RBFOX1: variants seen among roughly 807,000 people sequenced by gnomAD.
RBFOX1 encodes RNA binding fox-1 homolog 1, also known as RNA binding protein fox-1 homolog 1.
Under a neutral mutation model 57.7 loss-of-function variants are expected in RBFOX1, and 8 were observed. The ratio of observed to expected loss-of-function variants is 0.14; its 90% confidence interval spans 0.08 to 0.25. The LOEUF (loss-of-function observed/expected upper bound fraction) is 0.25, where lower values mean the gene tolerates loss of function less well. Ranked by LOEUF, RBFOX1 falls within the 10% of genes least tolerant of loss-of-function variation. The pLI is 1.00. For missense variants in RBFOX1, 611 were observed against 548.5 expected (o/e 1.11, Z -1.14); for synonymous variants, 326 against 222.4 (o/e 1.47, Z -4.15).
intron 1 of RBFOX1, among the ~76,000 whole-genome samples, chr16:6,073,657 A>G (rs987645359): frequency 6.6e-6 from 1 of 152,218 alleles, no homozygotes; most frequent in Non-Finnish European, 1.5e-5. Context: ...AATATTTAGA[A>G]TGCATAATCT....
chr16:5,467,638 C>T (rs1203279150), intron 2 of RBFOX1, among the ~76,000 whole-genome samples: 1 of 152,104 alleles, frequency 6.6e-6, no homozygotes, highest in Non-Finnish European at 1.5e-5. Flanking sequence ...ACTGGAGGTA[C>T]CAGAGCTTGG....
At chr16:7,300,676 T>A (rs2096009960) in intron 4 of RBFOX1, among the ~76,000 whole-genome samples, 1 of 152,170 alleles carries the variant, frequency 6.6e-6, no homozygotes, top group South Asian at 2.1e-4. Flanking sequence ...TAAATAGTTA[T>A]GAAAATGAGA....
At chr16:6,349,190 A>T (rs1317016726) in intron 2 of RBFOX1, among the ~76,000 whole-genome samples, 3 of 152,168 alleles carry the variant, frequency 2.0e-5, no homozygotes, top group Non-Finnish European at 4.4e-5. Flanking sequence ...ACAGGTTTAG[A>T]GCAGCCAGAA....
intron 1 of RBFOX1, among the ~76,000 whole-genome samples, chr16:6,064,708 T>C (rs1370547958): frequency 6.6e-6 from 1 of 152,016 alleles, no homozygotes; most frequent in Non-Finnish European, 1.5e-5. Flanking sequence ...ACCCAGCTAA[T>C]TTTTTGTATC....
intron 4 of RBFOX1, among the ~76,000 whole-genome samples, chr16:7,366,399 G>A (rs1457932670): frequency 6.6e-6 from 1 of 152,114 alleles, no homozygotes. Context: ...GCTGCGCCCT[G>A]ACATTTATGG....
intron 3 of RBFOX1, among the ~76,000 whole-genome samples, chr16:6,793,636 A>G (rs1226678248): frequency 6.6e-6 from 1 of 152,212 alleles, no homozygotes; most frequent in African/African-American, 2.4e-5. Flanking sequence ...TTAAGCAAAA[A>G]AAGAAATCTT....
chr16:6,658,768 G>A (rs575059246), intron 3 of RBFOX1, among the ~76,000 whole-genome samples: 14 of 152,156 alleles, frequency 9.2e-5, no homozygotes, highest in South Asian at 2.1e-4. Flanking sequence ...TTCCAAGCCC[G>A]CCAATTAGCA....
intron 1 of RBFOX1, among the ~76,000 whole-genome samples, chr16:5,267,305 T>C (rs182962847): frequency 1.3e-5 from 1 of 78,674 alleles, no homozygotes; most frequent in Non-Finnish European, 2.6e-5. Flanking sequence ...GGGTTTTTTT[T>C]TCTTTTTCTT....
At chr16:5,463,364 C>G (rs902082155) in intron 1 of RBFOX1, among the ~76,000 whole-genome samples, 8 of 152,096 alleles carry the variant, frequency 5.3e-5, no homozygotes, top group African/African-American at 1.9e-4. Flanking sequence ...AAGCTGATCT[C>G]TTTATTCTCC....
chr16:7,216,681 C>G (rs552589683), intron 4 of RBFOX1, among the ~76,000 whole-genome samples: 1 of 151,600 alleles, frequency 6.6e-6, no homozygotes, highest in Non-Finnish European at 1.5e-5. Context: ...TTAAAAAACC[C>G]ACAAACAAAC....
At position 6,220,878 on chromosome 16, in the gene RBFOX1, G is replaced by T. The variant is rs9927726; in HGVS notation, c.-126-96117G>T. Among the ~76,000 whole-genome samples, 452 of 151,972 alleles carry T rather than the reference G, an allele frequency of 3.0e-3. 1 individual carries two copies. Among genetic ancestry groups the T allele is most frequent in the African/African-American group, 0.011 (439 of 41,472 alleles). On this transcript the variant is annotated intron_variant, in intron 1 of 15. Transcript: ENST00000550418. Reference sequence around the variant, plus strand: ...ATTTAACTTTTTTAAAATAAACATTGTCCTATATGAACCAAGTAATCTAGT... The same window carrying T: ...ATTTAACTTTTTTAAAATAAACATTTTCCTATATGAACCAAGTAATCTAGT...
intron 3 of RBFOX1, among the ~76,000 whole-genome samples, chr16:6,739,596 G>A (rs2071433069): frequency 6.6e-6 from 1 of 150,750 alleles, no homozygotes; most frequent in Non-Finnish European, 1.5e-5. Context: ...TAGAAGGTGG[G>A]CCAGGTGGGG....
chr16:5,859,156 G>A (rs887844554), intron 3 of RBFOX1, among the ~76,000 whole-genome samples: 4 of 152,160 alleles, frequency 2.6e-5, no homozygotes, highest in African/African-American at 7.2e-5. Context: ...AGTGAGCCGA[G>A]ATCACGCCAC....
At chr16:5,831,963 A>G (rs975181284) in intron 3 of RBFOX1, among the ~76,000 whole-genome samples, 1 of 152,178 alleles carries the variant, frequency 6.6e-6, no homozygotes, top group African/African-American at 2.4e-5. Flanking sequence ...ATGTCTATCG[A>G]GAGGTTGAAA....
intron 3 of RBFOX1, among the ~76,000 whole-genome samples, chr16:6,735,354 C>A (rs72764974): frequency 3.9e-5 from 6 of 152,274 alleles, no homozygotes; most frequent in African/African-American, 9.6e-5. Flanking sequence ...GTGCCGTCAG[C>A]TAGGGAGCTT....
intron 4 of RBFOX1, among the ~76,000 whole-genome samples, chr16:7,445,206 ATAT>A (rs1482482077): frequency 6.6e-6 from 1 of 152,150 alleles, no homozygotes; most frequent in African/African-American, 2.4e-5. Context: ...AAAGTTGGTA[ATAT>A]TACTGCTAGT....
intron 3 of RBFOX1, among the ~76,000 whole-genome samples, chr16:6,666,008 G>T (rs969126968): frequency 2.1e-4 from 32 of 152,090 alleles, no homozygotes; most frequent in Admixed American, 1.3e-4. Flanking sequence ...TCATGGTAGT[G>T]AATAAGTCTC....
chr16:5,507,918 A>G (rs2043434481), intron 2 of RBFOX1, among the ~76,000 whole-genome samples: 1 of 152,154 alleles, frequency 6.6e-6, no homozygotes, highest in Admixed American at 6.5e-5. Flanking sequence ...GCCCTCCAGC[A>G]TGAGAATGCT....
intron 3 of RBFOX1, among the ~76,000 whole-genome samples, chr16:7,037,451 C>A (rs984284706): frequency 6.6e-6 from 1 of 151,954 alleles, no homozygotes; most frequent in African/African-American, 2.4e-5. Flanking sequence ...TGGAGTTGCT[C>A]TGGTTCATAA....
Sources: allele counts gnomAD v4.1 joint callset (sites outside exome capture counted in the v4.1 genomes callset), GRCh38; gene constraint gnomAD v4.1.1; transcripts MANE v1.5; gene names NCBI Gene and HGNC (gene_info 2026-07-23, HGNC 2026-07-21).